Variants in SPSB4 observed in about 807,000 individuals in gnomAD.
The protein encoded by SPSB4 is splA/ryanodine receptor domain and SOCS box containing 4.
A neutral mutation model predicts 20.9 loss-of-function variants in SPSB4; 21 were observed. The ratio of observed to expected loss-of-function variants is 1.01; its 90% CI spans 0.71 to 1.45. SPSB4 has a LOEUF of 1.45. Among genes scored for constraint, SPSB4 ranks in the 40% most tolerant of loss-of-function variants. The pLI is 0.00. For missense variants in SPSB4, 399 were observed against 399.2 expected (o/e 1.00, Z 0.00); for synonymous variants, 207 against 183.8 (o/e 1.13, Z -1.02).
At chr3:141,082,279 G>A (rs1007466045) in intron 2 of SPSB4, among the ~76,000 whole-genome samples, 3 of 152,182 alleles carry the variant, frequency 2.0e-5, no homozygotes, top group African/African-American at 4.8e-5. Flanking sequence ...CAGGGAGTGC[G>A]CCTGGCAGGA....
At chr3:141,107,425 A>C (rs1938716111) in intron 2 of SPSB4, among the ~76,000 whole-genome samples, 1 of 152,228 alleles carries the variant, frequency 6.6e-6, no homozygotes, top group Non-Finnish European at 1.5e-5. Context: ...GTTCAGCGAC[A>C]GAGAAAACAG....
At chr3:141,061,546 T>G (rs899845513) in intron 1 of SPSB4, among the ~76,000 whole-genome samples, 2 of 152,036 alleles carry the variant, frequency 1.3e-5, no homozygotes, top group Non-Finnish European at 2.9e-5. Context: ...TATTAGCATC[T>G]TACATTAGTA....
In SPSB4 at chr3:141,144,715, A is replaced by G. The variant is rs145269709; in HGVS notation, c.695-2427A>G. ...CCTTTGGAATTTAGAATCTAGATTGATTTCAGTGACTGCAGAGAGATGAAG... is the reference window on the plus strand; with the variant it reads ...CCTTTGGAATTTAGAATCTAGATTGGTTTCAGTGACTGCAGAGAGATGAAG... On this transcript the variant is annotated intron_variant, in intron 2 of 2. Transcript: ENST00000310546. Among the ~76,000 whole-genome samples, 7 of 152,288 alleles carry G rather than the reference A, an allele frequency of 4.6e-5. No homozygotes were observed. In the East Asian group the frequency reaches 1.3e-3, roughly 29 times the overall value.
Position 141,080,184 on chromosome 3 carries a change from T to A in SPSB4, c.694+13386T>A, listed in dbSNP as rs577192211. The A allele has an allele frequency of 7.9e-5, 12 of 152,302 alleles. No individual in the cohort carries two copies. The East Asian group carries it at 2.3e-3, about 29-fold the overall frequency. The allele number at this position is 152,302 out of a possible 1,614,324, so 9.4% of individuals were successfully genotyped here. On this transcript the variant is annotated intron_variant, in intron 2 of 2. Transcript: ENST00000310546. ...GGCCATTTGCATTTTACAGACAAGT[T>A]AATTGAGGCCCAGAAAGGTTGAGAG...
At chr3:141,100,215 C>A (rs950470766) in intron 2 of SPSB4, among the ~76,000 whole-genome samples, 1 of 152,152 alleles carries the variant, frequency 6.6e-6, no homozygotes, top group African/African-American at 2.4e-5. Flanking sequence ...GATTGTGTCC[C>A]CCACAAATTC....
intron 2 of SPSB4, among the ~76,000 whole-genome samples, chr3:141,135,688 C>T (rs1355646116): frequency 1.3e-5 from 2 of 152,114 alleles, no homozygotes; most frequent in Non-Finnish European, 2.9e-5. Flanking sequence ...TTTTTTATGG[C>T]TGCATAGTAT....
chr3:141,079,117 C>T (rs553310097), intron 2 of SPSB4, among the ~76,000 whole-genome samples: 14 of 152,102 alleles, frequency 9.2e-5, no homozygotes, highest in East Asian at 7.7e-4. Context: ...CAAAAATAGC[C>T]GGGTGTGGTG....
intron 2 of SPSB4, among the ~76,000 whole-genome samples, chr3:141,134,044 T>C (rs1939183491): frequency 7.7e-6 from 1 of 129,050 alleles, no homozygotes; most frequent in Admixed American, 8.2e-5. Context: ...TCTTTTTTTT[T>C]TTTTCTTTTT....
chr3:141,055,316 G>C (rs1937619005), intron 1 of SPSB4, among the ~76,000 whole-genome samples: 1 of 152,154 alleles, frequency 6.6e-6, no homozygotes, highest in South Asian at 2.1e-4. Flanking sequence ...AGGGGAGTGA[G>C]AGAATGTCAG....
In SPSB4 at chr3:141,066,357, G is replaced by T; in HGVS notation, c.253G>T (p.Asp85Tyr). 1 of 1,559,376 alleles carries T rather than the reference G, an allele frequency of 6.4e-7. No homozygotes were observed. Among genetic ancestry groups the T allele is most frequent in the Non-Finnish European group, 8.7e-7 (1 of 1,154,098 alleles). The stretch of plus-strand genomic sequence containing the variant: ...CCGGCACCCCGTGGCCCAGAGCACC[G>T]ACGGCATCCGCGGCAAGGTGGGCCA... The part of the protein sequence containing the change: ...FHRHPVAQST[D>Y]GIRGKVGHAR... The change falls in exon 2 of 3, where the codon GAC becomes TAC. Residue 85 changes from aspartate (D) to tyrosine (Y), a missense_variant. Coordinates refer to ENST00000310546, the MANE Select transcript of SPSB4 (RefSeq NM_080862.3).
intron 2 of SPSB4, among the ~76,000 whole-genome samples, chr3:141,104,845 G>C (rs1050488708): frequency 2.6e-5 from 4 of 152,330 alleles, no homozygotes; most frequent in African/African-American, 7.2e-5. Flanking sequence ...AATTTGCGCC[G>C]TTAGAGTTGA....
chr3:141,147,727 C>T lies in SPSB4; in HGVS notation c.*458C>T, dbSNP rs897616592. On this transcript the variant is annotated 3_prime_UTR_variant, in exon 3 of 3. Coordinates refer to ENST00000310546, the MANE Select transcript of SPSB4 (RefSeq NM_080862.3). ...ATAATGAATGATGAAAGCCTGACGCCGTGCCCCTCCTGGCCCATACGCCTT... is the reference window on the plus strand; with the variant it reads ...ATAATGAATGATGAAAGCCTGACGCTGTGCCCCTCCTGGCCCATACGCCTT... The T allele has an allele frequency of 3.0e-5, 5 of 169,044 alleles. No individual in the cohort carries two copies. The highest frequency in any genetic ancestry group is 3.1e-4 in the East Asian group (2 of 6,540). 10.5% of individuals were successfully genotyped at this position (169,044 alleles called of 1,614,324 possible).
chr3:141,066,580 T>G lies in SPSB4; in HGVS notation c.476T>G (p.Val159Gly), dbSNP rs1937885590. 1.3e-6 allele frequency: 2 copies of G among 1,558,382 alleles called. No homozygotes were observed. The highest frequency in any genetic ancestry group is 1.7e-6 in the Non-Finnish European group (2 of 1,152,400). Reference sequence around the variant, plus strand: ...CACGACGGCAAGAACCAGCCCGGCGTGGCCTACCCGGCCTTTCTGGGGCCC... The same window carrying G: ...CACGACGGCAAGAACCAGCCCGGCGGGGCCTACCCGGCCTTTCTGGGGCCC... ...LYHDGKNQPG[V>G]AYPAFLGPDE... is the part of the protein sequence containing the mutation. The change falls in exon 2 of 3, where the codon GTG (valine) becomes GGG (glycine). Residue 159 changes from valine (V) to glycine (G), a missense_variant. Val to Gly is a moderately radical substitution (Grantham distance 109). Coordinates refer to ENST00000310546, the MANE Select transcript of SPSB4 (RefSeq NM_080862.3).
chr3:141,137,151 TG>T lies in SPSB4; in HGVS notation c.695-9989del, dbSNP rs1939242868. Among the ~76,000 whole-genome samples the T allele has an allele frequency of 2.6e-5, 4 of 152,328 alleles. No individual in the cohort carries two copies. The South Asian group carries it at 8.3e-4, about 32-fold the overall frequency. On this transcript the variant is annotated intron_variant, in intron 2 of 2. Transcript: ENST00000310546. ...ATTTGGCTCTCTGTTTGTCTGTTAT[TG>T]GTGTATAAGAATGCTTGTGATTTTT...
chr3:141,125,713 C>T (rs535413316), intron 2 of SPSB4, among the ~76,000 whole-genome samples: 3 of 152,318 alleles, frequency 2.0e-5, no homozygotes, highest in East Asian at 1.9e-4. Context: ...TCTCTGCAGA[C>T]ACCTCCTCCC....
chr3:141,088,645 G>C (rs1471885847), intron 2 of SPSB4, among the ~76,000 whole-genome samples: 2 of 152,194 alleles, frequency 1.3e-5, no homozygotes, highest in African/African-American at 4.8e-5. Context: ...AGGAGTCCAT[G>C]GTTAAGTGCC....
In SPSB4 at chr3:141,142,034, A is replaced by C. The variant is rs953098986; in HGVS notation, c.695-5108A>C. ...TTTATCTTTTGTATTTTTTGTTTCA[A>C]TTTCATTTAGTTCTGCTGTGATCTT... is the stretch of plus-strand genomic sequence containing the variant. On this transcript the variant is annotated intron_variant, in intron 2 of 2. Transcript: ENST00000310546. Among the ~76,000 whole-genome samples, 8 of 151,792 alleles carry C rather than the reference A, an allele frequency of 5.3e-5. 1 individual carries two copies. In the South Asian group the frequency reaches 1.5e-3, roughly 28 times the overall value.
chr3:141,138,133 T>C (rs576160290), intron 2 of SPSB4, among the ~76,000 whole-genome samples: 5 of 152,380 alleles, frequency 3.3e-5, no homozygotes, highest in African/African-American at 1.2e-4. Flanking sequence ...GAGGTGTTTA[T>C]AGTATTCTCT....
chr3:141,088,782 T>C (rs1372382016), intron 2 of SPSB4, among the ~76,000 whole-genome samples: 1 of 152,116 alleles, frequency 6.6e-6, no homozygotes, highest in Non-Finnish European at 1.5e-5. Context: ...CTCTCTACTC[T>C]TCCTCCCTTC....
Sources: allele counts gnomAD v4.1 joint callset (sites outside exome capture counted in the v4.1 genomes callset), GRCh38; gene constraint gnomAD v4.1.1; transcripts MANE v1.5; gene names NCBI Gene and HGNC (gene_info 2026-07-23, HGNC 2026-07-21).